ASB18: variants seen among roughly 807,000 people sequenced by gnomAD.
The protein encoded by ASB18 is ankyrin repeat and SOCS box containing 18, also known as ankyrin repeat and SOCS box protein 18.
ASB18 carries 33 observed loss-of-function variants against 33.4 expected under a neutral mutation model. The observed-to-expected ratio is 0.99, with a 90% CI of 0.75 to 1.32. ASB18 has a LOEUF of 1.32. Among genes scored for constraint, ASB18 ranks in the 40% most tolerant of loss-of-function variants. The probability of loss-of-function intolerance (pLI) is 0.00; values close to 1 mark genes in which losing one functional copy is unlikely to be tolerated. For missense variants in ASB18, 694 were observed against 655.5 expected (o/e 1.06, Z -0.64); for synonymous variants, 295 against 307.6 (o/e 0.96, Z 0.43).
intron 1 of ASB18, among the ~76,000 whole-genome samples, chr2:236,243,454 A>C (rs1354778927): frequency 6.6e-6 from 1 of 152,026 alleles, no homozygotes; most frequent in African/African-American, 2.4e-5. Flanking sequence ...AGTGATGAGC[A>C]GATGTGTGTT....
chr2:236,218,503 G>C (rs752317382), intron 3 of ASB18, among the ~76,000 whole-genome samples: 1 of 152,172 alleles, frequency 6.6e-6, no homozygotes, highest in African/African-American at 2.4e-5. Context: ...CGTATATGAA[G>C]AATACCAGAA....
intron 3 of ASB18, among the ~76,000 whole-genome samples, chr2:236,218,436 G>A (rs964160887): frequency 2.8e-4 from 42 of 152,178 alleles, no homozygotes; most frequent in African/African-American, 5.1e-4. Flanking sequence ...AACAGATCAG[G>A]TTACAAAATA....
Position 236,238,000 on chromosome 2 carries a change from TGTGGTG to T in ASB18, c.329-50_329-45del, listed in dbSNP as rs72060634. The T allele has an allele frequency of 1.6e-5, 22 of 1,409,654 alleles. No homozygotes were observed. The highest frequency in any genetic ancestry group is 1.9e-4 in the Middle Eastern group (1 of 5,368). 87.3% of individuals were successfully genotyped at this position (1,409,654 alleles called of 1,614,324 possible). A position where few individuals can be genotyped will look rare whatever the true frequency, so the allele number is the denominator to read the frequency against. ...GATGTAAGGTCAGGGGGAGGTTAGTTGTGGTGGTGGTGGGCGGTGTTCCTTAAGGCG... is the reference window on the plus strand; with the variant it reads ...GATGTAAGGTCAGGGGGAGGTTAGTTGTGGTGGGCGGTGTTCCTTAAGGCG... On this transcript the variant is annotated intron_variant, in intron 2 of 5. Coordinates refer to ENST00000409749, the MANE Select transcript of ASB18 (RefSeq NM_212556.4). This position sits in a 1 kb window ranked among gnomAD's most constrained non-coding sequence, Gnocchi z 6.2.
rs1365650946 is a variant in ASB18, at chr2:236,249,063, A to G, written c.206-7661T>C. 1 of 152,242 alleles carries G rather than the reference A, an allele frequency of 6.6e-6. No homozygotes were observed. The highest frequency in any genetic ancestry group is 1.5e-5 in the Non-Finnish European group (1 of 68,036). 9.4% of individuals were successfully genotyped at this position (152,242 alleles called of 1,614,324 possible). ...TTATACCCAAATTTAGATGGCATAA[A>G]TGCAGCAAATTATTTGAAAACATTC... On this transcript the variant is annotated intron_variant, in intron 1 of 5. Transcript: ENST00000409749. The surrounding 1 kb of genome is among the most constrained non-coding windows in gnomAD (Gnocchi z 4.6).
rs913127104 is a variant in ASB18, at chr2:236,249,581, C to T, written c.206-8179G>A. The stretch of plus-strand genomic sequence containing the variant: ...TCAAGGAAATGCTTCTGAACAAATA[C>T]AATGCCCTTCTTGAAAGAGAGGGAT... On this transcript the variant is annotated intron_variant, in intron 1 of 5. Coordinates refer to ENST00000409749, the MANE Select transcript of ASB18 (RefSeq NM_212556.4). This position sits in a 1 kb window ranked among gnomAD's most constrained non-coding sequence, Gnocchi z 4.6. The T allele has an allele frequency of 2.6e-5, 4 of 152,278 alleles. No individual in the cohort carries two copies. In the South Asian group the frequency reaches 6.2e-4, roughly 24 times the overall value. The allele number at this position is 152,278 out of a possible 1,614,324, so 9.4% of individuals were successfully genotyped here.
rs552807646 is a variant in ASB18 at position 236,244,859 on chromosome 2, C to G, written c.206-3457G>C. Reference sequence around the variant, plus strand: ...TGTGTTTTGACCCTTGTTGTAGAACCCTTGTTCTGACCCCTGTTACAGGCA... The same window carrying G: ...TGTGTTTTGACCCTTGTTGTAGAACGCTTGTTCTGACCCCTGTTACAGGCA... On this transcript the variant is annotated intron_variant, in intron 1 of 5. Transcript: ENST00000409749. The surrounding 1 kb of genome is among the most constrained non-coding windows in gnomAD (Gnocchi z 6.1). Among the ~76,000 whole-genome samples, 2 of 152,148 alleles carry G rather than the reference C, an allele frequency of 1.3e-5. No homozygotes were observed. Among genetic ancestry groups the G allele is most frequent in the East Asian group, 1.9e-4 (1 of 5,194 alleles).
intron 3 of ASB18, among the ~76,000 whole-genome samples, chr2:236,232,444 A>G (rs1294871953): frequency 1.3e-5 from 2 of 152,102 alleles, no homozygotes; most frequent in Non-Finnish European, 2.9e-5. Flanking sequence ...GAAACTAGAA[A>G]AGAAGAGCCA....
At position 236,245,673 on chromosome 2, in the gene ASB18, C is replaced by T. The variant is rs573668168; in HGVS notation, c.206-4271G>A. ...CTTGCACTCTGACTGTGGCACTGGG[C>T]GCTCTACTATTACTGCTGGTTCCTT... On this transcript the variant is annotated intron_variant, in intron 1 of 5. Transcript: ENST00000409749. The surrounding 1 kb of genome is among the most constrained non-coding windows in gnomAD (Gnocchi z 4.7). Among the ~76,000 whole-genome samples the T allele has an allele frequency of 4.4e-4, 67 of 152,292 alleles. No individual in the cohort carries two copies. The highest frequency in any genetic ancestry group is 1.3e-3 in the African/African-American group (54 of 41,560).
intron 3 of ASB18, among the ~76,000 whole-genome samples, chr2:236,218,666 T>C (rs1237498432): frequency 2.6e-5 from 4 of 151,470 alleles, no homozygotes; most frequent in African/African-American, 9.7e-5. Flanking sequence ...GGTGTGGTGG[T>C]GGGTGCATGT....
chr2:236,204,174 C>G lies in ASB18; in HGVS notation c.1102-7789G>C, dbSNP rs530758777. ...ACATCTACCTCAATGGGCCATTAGC[C>G]CCAGCCACTCCCCCATACTGTCCTT... On this transcript the variant is annotated intron_variant, in intron 4 of 5. Coordinates refer to ENST00000409749, the MANE Select transcript of ASB18 (RefSeq NM_212556.4). The surrounding 1 kb of genome is among the most constrained non-coding windows in gnomAD (Gnocchi z 5.1). Among the ~76,000 whole-genome samples the G allele has an allele frequency of 1.3e-5, 2 of 152,256 alleles. No individual in the cohort carries two copies. Among genetic ancestry groups the G allele is most frequent in the Non-Finnish European group, 2.9e-5 (2 of 68,024 alleles).
intron 4 of ASB18, among the ~76,000 whole-genome samples, chr2:236,201,134 C>T (rs1411742504): frequency 6.6e-6 from 1 of 150,868 alleles, no homozygotes; most frequent in Non-Finnish European, 1.5e-5. Flanking sequence ...TTCCTTCCTT[C>T]CCTCCTTCCT....
In ASB18 at chr2:236,262,066, G is replaced by A. The variant is rs1037067379; in HGVS notation, c.205+2075C>T. Among the ~76,000 whole-genome samples the A allele has an allele frequency of 2.0e-5, 3 of 152,220 alleles. No individual in the cohort carries two copies. Among genetic ancestry groups the A allele is most frequent in the African/African-American group, 7.2e-5 (3 of 41,450 alleles). Reference sequence around the variant, plus strand: ...TATCAGTATGTAATTTATAACTGTGGAAGGAATGTAACTTTCTTATAACAA... The same window carrying A: ...TATCAGTATGTAATTTATAACTGTGAAAGGAATGTAACTTTCTTATAACAA... On this transcript the variant is annotated intron_variant, in intron 1 of 5. Coordinates refer to ENST00000409749, the MANE Select transcript of ASB18 (RefSeq NM_212556.4). This position sits in a 1 kb window ranked among gnomAD's most constrained non-coding sequence, Gnocchi z 5.2.
Position 236,241,423 on chromosome 2 carries a change from T to C in ASB18, c.206-21A>G. 6.2e-7 allele frequency: 1 copy of C among 1,613,852 alleles called. No individual in the cohort carries two copies. Among genetic ancestry groups the C allele is most frequent in the South Asian group, 1.1e-5 (1 of 91,064 alleles). On this transcript the variant is annotated intron_variant, in intron 1 of 5. Transcript: ENST00000409749. The surrounding 1 kb of genome is among the most constrained non-coding windows in gnomAD (Gnocchi z 4.2). ...GTCCCCTGCGACCAGGGCAGTGTGG[T>C]ACTCCTGCACCGGGGACCCTGCTCT...
rs901686836 is a variant in ASB18, at chr2:236,217,657, C to T, written c.597-2791G>A. ...ACAAGATCATCCATTGAGGGTTTCCCGGCTGCCCTTAAATCCATTTATATT... is the reference window on the plus strand; with the variant it reads ...ACAAGATCATCCATTGAGGGTTTCCTGGCTGCCCTTAAATCCATTTATATT... On this transcript the variant is annotated intron_variant, in intron 3 of 5. Transcript: ENST00000409749. The surrounding 1 kb of genome is among the most constrained non-coding windows in gnomAD (Gnocchi z 5.2). Among the ~76,000 whole-genome samples the T allele has an allele frequency of 6.6e-5, 10 of 152,192 alleles. No homozygotes were observed. The highest frequency in any genetic ancestry group is 2.1e-4 in the South Asian group (1 of 4,830).
At chr2:236,242,391 G>A (rs978626908) in intron 1 of ASB18, among the ~76,000 whole-genome samples, 1 of 152,192 alleles carries the variant, frequency 6.6e-6, no homozygotes, top group African/African-American at 2.4e-5. Context: ...CAGGGTGATA[G>A]GGCTGAAAGG....
Position 236,205,273 on chromosome 2 carries a change from G to C in ASB18, c.1102-8888C>G, listed in dbSNP as rs918973258. ...CTCATCTCCTACTCCCATCCCACTA[G>C]CTCCTTCCATCTCCGGCCACACTGG... On this transcript the variant is annotated intron_variant, in intron 4 of 5. Coordinates refer to ENST00000409749, the MANE Select transcript of ASB18 (RefSeq NM_212556.4). This position sits in a 1 kb window ranked among gnomAD's most constrained non-coding sequence, Gnocchi z 5.4. 6.6e-6 allele frequency among the ~76,000 whole-genome samples: 1 copy of C among 152,030 alleles called. No homozygotes were observed. The highest frequency in any genetic ancestry group is 6.6e-5 in the Admixed American group (1 of 15,244).
rs1165824438 is a variant in ASB18, at chr2:236,196,224, C to T, written c.1215+48G>A. ...AACTCCCCATGCAAAGAAGCAAAAA[C>T]AGACAAAAGTTTTGTACTAAAGATG... On this transcript the variant is annotated intron_variant, in intron 5 of 5. Coordinates refer to ENST00000409749, the MANE Select transcript of ASB18 (RefSeq NM_212556.4). This position sits in a 1 kb window ranked among gnomAD's most constrained non-coding sequence, Gnocchi z 5.6. 6 of 1,077,334 alleles carry T rather than the reference C, an allele frequency of 5.6e-6. No individual in the cohort carries two copies. Among genetic ancestry groups the T allele is most frequent in the Non-Finnish European group, 8.4e-6 (6 of 713,674 alleles). 66.7% of individuals were successfully genotyped at this position (1,077,334 alleles called of 1,614,324 possible).
chr2:236,237,901 C>T lies in ASB18; in HGVS notation c.384G>A (p.Ala128=), dbSNP rs1359848261. ...GCACGCAGGCGGTGTGGCCGTGGGC[C>T]GCGGCGATGCACAGGGGCGTGGTGA... ...RELTTPLCIA[A]AHGHTACVRH... The change falls in exon 3 of 6, where the codon GCG becomes GCA. Residue 128 remains alanine, a synonymous_variant. Transcript: ENST00000409749. This position sits in a 1 kb window ranked among gnomAD's most constrained non-coding sequence, Gnocchi z 6.2. 1.3e-6 allele frequency: 2 copies of T among 1,500,834 alleles called. No individual in the cohort carries two copies. The highest frequency in any genetic ancestry group is 2.8e-5 in the East Asian group (1 of 35,222). 93.0% of individuals were successfully genotyped at this position (1,500,834 alleles called of 1,614,324 possible).
At chr2:236,224,164 G>T (rs2060525849) in intron 3 of ASB18, among the ~76,000 whole-genome samples, 1 of 93,432 alleles carries the variant, frequency 1.1e-5, no homozygotes, top group Admixed American at 1.2e-4. Context: ...CCCTGATCTT[G>T]TCAACATTTG....
Sources: gnomAD v4.1 joint callset for allele counts (sites outside exome capture counted in the v4.1 genomes callset) on GRCh38, gnomAD v4.1.1 for gene constraint, Gnocchi (gnomAD v3.1) non-coding constraint, MANE v1.5 for transcripts, NCBI Gene and HGNC (gene_info 2026-07-23, HGNC 2026-07-21) for gene names.